The following GRIK2 variants were observed in gnomAD, a reference collection of about 807,000 sequenced individuals.
GRIK2 encodes the protein glutamate receptor ionotropic, kainate 2.
In GRIK2, 32 loss-of-function variants were observed where a neutral mutation model predicts 100.3. The ratio of observed to expected loss-of-function variants is 0.32; its 90% CI spans 0.24 to 0.43. GRIK2 has a LOEUF of 0.43. Among genes scored for constraint, GRIK2 ranks in the 20% least tolerant of loss-of-function variants. The pLI is 1.00. For synonymous variants in GRIK2, 417 were observed against 389.4 expected (o/e 1.07, Z -0.83); for missense variants, 843 against 1,114.9 (o/e 0.76, Z 3.47).
At chr6:101,835,286 A>G (rs1782994762) in intron 10 of GRIK2, among the ~76,000 whole-genome samples, 1 of 151,744 alleles carries the variant, frequency 6.6e-6, no homozygotes, top group Non-Finnish European at 1.5e-5. Flanking sequence ...ACTATTCTCC[A>G]CTTTATGTTT....
chr6:101,533,094 T>C (rs1727764868), intron 2 of GRIK2, among the ~76,000 whole-genome samples: 1 of 151,942 alleles, frequency 6.6e-6, no homozygotes, highest in Middle Eastern at 3.2e-3. Flanking sequence ...GTTCTATTCA[T>C]CCTTAGCTTT....
chr6:101,399,329 A>C lies in GRIK2; in HGVS notation c.52A>C (p.Lys18Gln), dbSNP rs756259854. 6 of 1,600,042 alleles carry C rather than the reference A, an allele frequency of 3.7e-6. No individual in the cohort carries two copies. The highest frequency in any genetic ancestry group is 5.1e-6 in the Non-Finnish European group (6 of 1,167,398). The part of the protein sequence containing the change: ...LSNPVFRRTV[K>Q]LLLCLLWIGY... The stretch of plus-strand genomic sequence containing the variant: ...TAATCCAGTCTTCAGGCGCACCGTT[A>C]AACTCCTGCTCTGTTTACTGTGGAT... Residue 18 changes from lysine (K) to glutamine (Q), a missense_variant, in exon 2 of 17, where the codon AAA becomes CAA. By Grantham distance (53) the Lys-to-Gln change is moderately conservative (BLOSUM62 1). Transcript: ENST00000369134.
At chr6:101,738,483 T>G (rs932252797) in intron 7 of GRIK2, among the ~76,000 whole-genome samples, 1 of 152,200 alleles carries the variant, frequency 6.6e-6, no homozygotes, top group East Asian at 1.9e-4. Context: ...TTTGTATTTT[T>G]CCCCTGAGGA....
At chr6:101,990,897 G>T (rs912156527) in intron 14 of GRIK2, among the ~76,000 whole-genome samples, 1 of 151,608 alleles carries the variant, frequency 6.6e-6, no homozygotes, top group Non-Finnish European at 1.5e-5. Flanking sequence ...AAACCCTAAT[G>T]TTGCTTCATT....
intron 7 of GRIK2, among the ~76,000 whole-genome samples, chr6:101,738,695 G>C (rs1000568657): frequency 6.6e-6 from 1 of 152,136 alleles, no homozygotes; most frequent in East Asian, 1.9e-4. Context: ...AATTTGGCTA[G>C]ATAACTCTTT....
intron 14 of GRIK2, among the ~76,000 whole-genome samples, chr6:101,935,866 C>T (rs1444943122): frequency 6.6e-6 from 1 of 151,942 alleles, no homozygotes; most frequent in Non-Finnish European, 1.5e-5. Flanking sequence ...TAAACTAAAA[C>T]AAAATGTTCC....
chr6:101,693,979 A>G (rs145781682), intron 7 of GRIK2, among the ~76,000 whole-genome samples: 6 of 152,162 alleles, frequency 3.9e-5, no homozygotes, highest in South Asian at 2.1e-4. Context: ...GAAATTTGTG[A>G]CGTTCAGGAA....
Position 101,831,229 on chromosome 6 carries a change from G to A in GRIK2, c.1317+12746G>A, listed in dbSNP as rs1582327295. On this transcript the variant is annotated intron_variant, in intron 10 of 16. Coordinates refer to ENST00000369134, the MANE Select transcript of GRIK2 (RefSeq NM_021956.5). The stretch of plus-strand genomic sequence containing the variant: ...TAATAGTATCGAGATATCAAAATAG[G>A]ATTTTTTTTCCAGACAATAAAACAT... Among the ~76,000 whole-genome samples the A allele has an allele frequency of 2.6e-5, 4 of 152,026 alleles. No homozygotes were observed. The South Asian group carries it at 6.2e-4, about 24-fold the overall frequency.
intron 4 of GRIK2, among the ~76,000 whole-genome samples, chr6:101,668,402 C>T (rs575278750): frequency 6.6e-6 from 1 of 152,126 alleles, no homozygotes; most frequent in Non-Finnish European, 1.5e-5. Context: ...AGTTAGCTCT[C>T]TTCTCTATTT....
At chr6:101,586,991 A>G (rs1778405926) in intron 2 of GRIK2, among the ~76,000 whole-genome samples, 2 of 152,044 alleles carry the variant, frequency 1.3e-5, no homozygotes, top group South Asian at 4.1e-4. Context: ...AAAGAACATG[A>G]AATATGGATT....
intron 16 of GRIK2, among the ~76,000 whole-genome samples, chr6:102,067,089 G>A (rs753083561): frequency 1.3e-5 from 2 of 151,510 alleles, no homozygotes; most frequent in Non-Finnish European, 3.0e-5. Flanking sequence ...TGTTTAGACT[G>A]GCACAAACTG....
chr6:102,060,622 G>T (rs573136840), intron 16 of GRIK2, among the ~76,000 whole-genome samples: 6 of 150,728 alleles, frequency 4.0e-5, no homozygotes, highest in African/African-American at 1.4e-4. Context: ...TGCAAACAGT[G>T]TTATAAATTA....
intron 2 of GRIK2, among the ~76,000 whole-genome samples, chr6:101,420,787 A>G (rs2128240206): frequency 1.3e-5 from 2 of 152,306 alleles, no homozygotes; most frequent in South Asian, 4.1e-4. Flanking sequence ...AAGTTCCACG[A>G]TGTGCAAATA....
intron 2 of GRIK2, among the ~76,000 whole-genome samples, chr6:101,557,338 T>G (rs1776796392): frequency 6.6e-6 from 1 of 152,158 alleles, no homozygotes. Context: ...AAGTGAAGAT[T>G]TATATGGTTT....
intron 14 of GRIK2, among the ~76,000 whole-genome samples, chr6:102,007,601 A>G (rs1241734539): frequency 2.0e-5 from 3 of 152,124 alleles, no homozygotes; most frequent in Non-Finnish European, 4.4e-5. Context: ...ATTTGTATTA[A>G]GCTTGAAGAA....
At chr6:101,917,902 TG>T (rs1211235775) in intron 12 of GRIK2, among the ~76,000 whole-genome samples, 1 of 151,066 alleles carries the variant, frequency 6.6e-6, no homozygotes, top group East Asian at 1.9e-4. Context: ...TAGTATGTAA[TG>T]AAAAAAAAAA....
intron 14 of GRIK2, among the ~76,000 whole-genome samples, chr6:101,955,576 T>TCTCTC (rs1791867450): frequency 8.6e-6 from 1 of 116,288 alleles, no homozygotes; most frequent in Admixed American, 9.3e-5. Context: ...GAGCAAGGCC[T>TCTCTC]TCTCTCTCTC....
At chr6:101,804,241 AAC>A (rs1780846442) in intron 9 of GRIK2, among the ~76,000 whole-genome samples, 2 of 152,086 alleles carry the variant, frequency 1.3e-5, no homozygotes, top group East Asian at 3.9e-4. Context: ...AGTATGGGGA[AAC>A]ACAAACATAG....
intron 4 of GRIK2, among the ~76,000 whole-genome samples, chr6:101,673,772 TTTGTAG>T (rs1283479172): frequency 6.6e-6 from 1 of 152,182 alleles, no homozygotes; most frequent in Non-Finnish European, 1.5e-5. Context: ...CCAGTCTTCA[TTTGTAG>T]TTACTTGCTT....
Sources: allele counts gnomAD v4.1 joint callset (sites outside exome capture counted in the v4.1 genomes callset), GRCh38; gene constraint gnomAD v4.1.1; transcripts MANE v1.5; gene names NCBI Gene and HGNC (gene_info 2026-07-23, HGNC 2026-07-21).